ALK: variants seen among roughly 807,000 people sequenced by gnomAD.
ALK encodes the protein ALK receptor tyrosine kinase.
Under a neutral mutation model 163.1 loss-of-function variants are expected in ALK, and 74 were observed. The ratio of observed to expected loss-of-function variants is 0.45; its 90% CI spans 0.38 to 0.55. ALK has a LOEUF of 0.55. ALK is among the 20% of genes least tolerant of loss of function. ALK has a pLI of 0.00. For missense variants in ALK, 2,063 were observed against 2,105.3 expected, an observed-to-expected ratio of 0.98 and a Z score of 0.39; for synonymous variants, 960 against 843.2, an observed-to-expected ratio of 1.14 and a Z score of -2.40.
intron 1 of ALK, among the ~76,000 whole-genome samples, chr2:29,812,857 A>G (rs186058798): frequency 6.6e-6 from 1 of 152,344 alleles, no homozygotes; most frequent in Admixed American, 6.5e-5. Context: ...CTAGGGCTGT[A>G]CATCCCTCCA....
chr2:29,193,802 G>T lies in ALK; in HGVS notation c.4285C>A (p.Gln1429Lys). 1 of 1,599,576 alleles carries T rather than the reference G, an allele frequency of 6.3e-7. No homozygotes were observed. Among genetic ancestry groups the T allele is most frequent in the Non-Finnish European group, 8.5e-7 (1 of 1,172,764 alleles). ...EGVPPLLVSQ[Q>K]AKREEERSPA... is the part of the protein sequence containing the mutation. ...CTGCGCTCCTCCTCCCGTTTTGCCTGTTGAGAGACCAGGAGAGGAGGAACC... is the reference window on the plus strand; with the variant it reads ...CTGCGCTCCTCCTCCCGTTTTGCCTTTTGAGAGACCAGGAGAGGAGGAACC... The change falls in exon 29 of 29, where the codon CAG (glutamine) becomes AAG (lysine). Residue 1429 changes from glutamine to lysine, a missense_variant. Coordinates refer to ENST00000389048, the MANE Select transcript of ALK (RefSeq NM_004304.5).
chr2:29,354,160 T>A (rs1019147189), intron 5 of ALK, among the ~76,000 whole-genome samples: 2 of 152,328 alleles, frequency 1.3e-5, no homozygotes, highest in East Asian at 1.9e-4. Context: ...AAGAAAAGAC[T>A]GTAGAAGTGT....
At chr2:29,224,713 C>G (rs892648872) in intron 19 of ALK, 2 of 217,754 alleles carry the variant, frequency 9.2e-6, no homozygotes, top group East Asian at 1.4e-4. Flanking sequence ...TGTAAATTGC[C>G]GAGCACGTAG....
intron 3 of ALK, among the ~76,000 whole-genome samples, chr2:29,667,867 A>C (rs761978927): frequency 3.9e-5 from 6 of 152,000 alleles, no homozygotes; most frequent in Non-Finnish European, 7.4e-5. Flanking sequence ...ATTGGTATTA[A>C]TTCTTCTCTA....
rs1558627445 is a variant in ALK at position 29,228,971 on chromosome 2, T to C, written c.2728A>G (p.Met910Val). ...CTTGTCTCCCACCCCCACTTCTTCA[T>C]GGCCTGGGGGCAGGAATGTCCTCCG... Reference protein sequence around the residue: ...ATGGHSCPQAMKKWGWETRGG... With the variant: ...ATGGHSCPQAVKKWGWETRGG... The change falls in exon 16 of 29, where the codon ATG (methionine) becomes GTG (valine). Residue 910 changes from methionine to valine, a missense_variant. This residue lies in a region of ALK where 575 missense variants were observed against 626.6 expected (regional missense o/e 0.92). Coordinates refer to ENST00000389048, the MANE Select transcript of ALK (RefSeq NM_004304.5). The C allele has an allele frequency of 8.2e-7, 1 of 1,218,500 alleles. No individual in the cohort carries two copies. Among genetic ancestry groups the C allele is most frequent in the Admixed American group, 2.0e-5 (1 of 50,662 alleles). 75.5% of individuals were successfully genotyped at this position (1,218,500 alleles called of 1,614,324 possible). A position where few individuals can be genotyped will look rare whatever the true frequency, so the allele number is the denominator to read the frequency against.
At chr2:29,240,512 G>T (rs199500919) in intron 12 of ALK, among the ~76,000 whole-genome samples, 1 of 152,110 alleles carries the variant, frequency 6.6e-6, no homozygotes, top group African/African-American at 2.4e-5. Flanking sequence ...TCTCCCCATG[G>T]GGTCTGGAAA....
chr2:29,765,157 C>A (rs555193665), intron 1 of ALK, among the ~76,000 whole-genome samples: 1 of 152,156 alleles, frequency 6.6e-6, no homozygotes, highest in Non-Finnish European at 1.5e-5. Flanking sequence ...CCAATTAAAC[C>A]TATTTTATTT....
intron 4 of ALK, among the ~76,000 whole-genome samples, chr2:29,498,634 C>T (rs1045231357): frequency 6.6e-6 from 1 of 152,138 alleles, no homozygotes; most frequent in African/African-American, 2.4e-5. Flanking sequence ...CTTGCCAAGC[C>T]ATGGCCTTTT....
intron 3 of ALK, among the ~76,000 whole-genome samples, chr2:29,612,603 C>A (rs1400258857): frequency 6.6e-6 from 1 of 152,204 alleles, no homozygotes; most frequent in Non-Finnish European, 1.5e-5. Flanking sequence ...CGAATTCCCC[C>A]AAAACTTACT....
intron 3 of ALK, among the ~76,000 whole-genome samples, chr2:29,534,014 G>GAT (rs1215660173): frequency 6.6e-6 from 1 of 152,198 alleles, no homozygotes; most frequent in African/African-American, 2.4e-5. Flanking sequence ...GACAAAGGTA[G>GAT]ATGATGTTTG....
Position 29,920,796 on chromosome 2 carries a change from G to T in ALK, c.-137C>A. 1.3e-6 allele frequency: 1 copy of T among 767,294 alleles called. No individual in the cohort carries two copies. The allele number at this position is 767,294 out of a possible 1,614,324, so 47.5% of individuals were successfully genotyped here. Reference sequence around the variant, plus strand: ...CTGATCTCCAGAGGACTGTGCGTGCGCGCAAGTCTCTTGCTTTCCCCCAAC... The same window carrying T: ...CTGATCTCCAGAGGACTGTGCGTGCTCGCAAGTCTCTTGCTTTCCCCCAAC... On this transcript the variant is annotated 5_prime_UTR_variant, in exon 1 of 29. Coordinates refer to ENST00000389048, the MANE Select transcript of ALK (RefSeq NM_004304.5).
At chr2:29,834,800 C>A (rs1665514428) in intron 1 of ALK, among the ~76,000 whole-genome samples, 1 of 152,154 alleles carries the variant, frequency 6.6e-6, no homozygotes, top group African/African-American at 2.4e-5. Flanking sequence ...ATTAGTCACA[C>A]CAAAACACAG....
chr2:29,694,805 C>A (rs2148289450), intron 3 of ALK, 45 bp downstream of exon 3: 1 of 1,610,798 alleles, frequency 6.2e-7, no homozygotes, highest in Non-Finnish European at 8.5e-7. Context: ...GTATTCCAGC[C>A]TGGCCCTGAC....
intron 7 of ALK, among the ~76,000 whole-genome samples, chr2:29,319,725 G>A (rs1019716372): frequency 3.9e-5 from 6 of 152,252 alleles, no homozygotes; most frequent in Non-Finnish European, 7.3e-5. Flanking sequence ...TATGGGTGCT[G>A]TAGTGGAAAT....
At chr2:29,663,266 G>C (rs1375747310) in intron 3 of ALK, among the ~76,000 whole-genome samples, 3 of 152,088 alleles carry the variant, frequency 2.0e-5, no homozygotes, top group Non-Finnish European at 2.9e-5. Flanking sequence ...ACTGAAAAAA[G>C]TTTAAGTAAA....
chr2:29,911,604 G>A (rs1667704452), intron 1 of ALK, among the ~76,000 whole-genome samples: 1 of 152,212 alleles, frequency 6.6e-6, no homozygotes, highest in Non-Finnish European at 1.5e-5. Context: ...TGACGGAACT[G>A]GCCAAGGGCC....
chr2:29,849,827 G>A (rs1483482982), intron 1 of ALK, among the ~76,000 whole-genome samples: 1 of 152,016 alleles, frequency 6.6e-6, no homozygotes, highest in Non-Finnish European at 1.5e-5. Context: ...AGGGGAGGAG[G>A]GAGGAGAGAG....
chr2:29,890,113 C>T (rs546871363), intron 1 of ALK, among the ~76,000 whole-genome samples: 3 of 152,136 alleles, frequency 2.0e-5, no homozygotes, highest in South Asian at 4.1e-4. Flanking sequence ...AGGCATTTAT[C>T]TTGACAATTG....
chr2:29,883,051 A>G (rs1666904145), intron 1 of ALK, among the ~76,000 whole-genome samples: 1 of 151,886 alleles, frequency 6.6e-6, no homozygotes, highest in African/African-American at 2.4e-5. Context: ...GGAAGGGAGC[A>G]GAGGGTGAGA....
Sources: allele counts gnomAD v4.1 joint callset (sites outside exome capture counted in the v4.1 genomes callset), GRCh38; gene constraint gnomAD v4.1.1; regional missense constraint gnomAD v4.1.1; transcripts MANE v1.5; gene names NCBI Gene and HGNC (gene_info 2026-07-23, HGNC 2026-07-21).